Variants in ZNF275 observed in about 807,000 individuals in gnomAD.
ZNF275 encodes the protein zinc finger protein 275.
A neutral mutation model predicts 4.3 loss-of-function variants in ZNF275; 4 were observed. The ratio of observed to expected loss-of-function variants is 0.93; its 90% CI spans 0.46 to 2.13. ZNF275 has a LOEUF of 2.13. ZNF275 is among the 30% of genes most tolerant of loss of function. ZNF275 has a pLI of 0.02. For synonymous variants in ZNF275, 173 were observed against 166.9 expected (o/e 1.04, Z -0.28); for missense variants, 352 against 397.1 (o/e 0.89, Z 0.97).
chrX:153,336,588 G>A lies in ZNF275; in HGVS notation c.-46-46G>A, dbSNP rs1556960601. The A allele has an allele frequency of 4.3e-6, 4 of 936,206 alleles. No individual in the cohort carries two copies. In the African/African-American group the frequency reaches 5.8e-5, roughly 14 times the overall value. 77.2% of individuals were successfully genotyped at this position (936,206 alleles called of 1,213,427 possible). The stretch of plus-strand genomic sequence containing the variant: ...TGTGGGGGACATGTTCCTGGGAGGT[G>A]CACACAGGTCTGCTTCTGTTCACCT... On this transcript the variant is annotated intron_variant, in intron 1 of 3. Transcript: ENST00000650114.
rs1556961631 is a variant in ZNF275, at chrX:153,346,935, G to A, written c.250G>A (p.Asp84Asn). 3.3e-6 allele frequency: 4 copies of A among 1,209,817 alleles called. No individual in the cohort carries two copies. Among genetic ancestry groups the A allele is most frequent in the Non-Finnish European group, 2.2e-6 (2 of 895,167 alleles). The change falls in exon 4 of 4, where the codon GAC (aspartate) becomes AAC (asparagine). Residue 84 changes from aspartate to asparagine, a missense_variant. Physicochemically the swap from Asp to Asn is conservative, Grantham distance 23 (BLOSUM62 1). Coordinates refer to ENST00000650114, the MANE Select transcript of ZNF275 (RefSeq NM_001367757.1). ...CAGTCCTGAATTCAGACAGCACGGG[G>A]ACTCTGACGGGAAGAGAGGGAGCCC... ...GPSPEFRQHG[D>N]SDGKRGSPQN...
rs1395388144 is a variant in ZNF275 at position 153,340,683 on chromosome X, A to G, written c.31+3973A>G. Among the ~76,000 whole-genome samples, 4 of 112,605 alleles carry G rather than the reference A, an allele frequency of 3.6e-5. No homozygotes were observed. The South Asian group carries it at 1.5e-3, about 41-fold the overall frequency. On this transcript the variant is annotated intron_variant, in intron 2 of 3. Transcript: ENST00000650114. The stretch of plus-strand genomic sequence containing the variant: ...CTTGACTCTCCCCAACTCCAACCCC[A>G]TGTGGTCACATACACATTAGAGATG...
At position 153,348,276 on chromosome X, in the gene ZNF275, G is replaced by A. The variant is rs1238282056; in HGVS notation, c.*301G>A. 2 of 134,890 alleles carry A rather than the reference G, an allele frequency of 1.5e-5. No homozygotes were observed. Among genetic ancestry groups the A allele is most frequent in the Non-Finnish European group, 3.2e-5 (2 of 62,177 alleles). 11.1% of individuals were successfully genotyped at this position (134,890 alleles called of 1,213,427 possible). On this transcript the variant is annotated 3_prime_UTR_variant, in exon 4 of 4. Coordinates refer to ENST00000650114, the MANE Select transcript of ZNF275 (RefSeq NM_001367757.1). ...ATGTGGGGTAGGGAGGGGCTTAGAG[G>A]TCATCAACTCCAAGCTCCCCCCGCC...
chrX:153,339,983 G>A lies in ZNF275; in HGVS notation c.31+3273G>A, dbSNP rs898749434. 6.2e-5 allele frequency among the ~76,000 whole-genome samples: 7 copies of A among 112,143 alleles called. No homozygotes were observed. The South Asian group carries it at 1.1e-3, about 18-fold the overall frequency. ...TCCACAATATCCCCCTCTACATTCT[G>A]TTTGGCAGCCAAACGTCAATGTCAA... On this transcript the variant is annotated intron_variant, in intron 2 of 3. Transcript: ENST00000650114.
chrX:153,345,670 G>A (rs782633795), intron 3 of ZNF275, 49 bp downstream of exon 3: 2 of 1,051,524 alleles, frequency 1.9e-6, no homozygotes, highest in East Asian at 6.2e-5. Flanking sequence ...CAACCAAGCT[G>A]CTATGGGGCA....
chrX:153,334,474 G>A (rs1259093183), intron 1 of ZNF275, among the ~76,000 whole-genome samples, 189 bp downstream of exon 1: 1 of 111,936 alleles, frequency 8.9e-6, no homozygotes, highest in Non-Finnish European at 1.9e-5. Context: ...AGTGCACGGT[G>A]GAGGGAGGGG....
intron 2 of ZNF275, chrX:153,344,839 C>T: frequency 2.8e-6 from 1 of 353,710 alleles, no homozygotes; most frequent in Non-Finnish European, 5.5e-6. Context: ...GCAGGGGACA[C>T]ATGGCTACCC....
At chrX:153,345,906 C>G (rs2088511295) in intron 3 of ZNF275, among the ~76,000 whole-genome samples, 1 of 103,272 alleles carries the variant, frequency 9.7e-6, no homozygotes, top group African/African-American at 3.6e-5. Context: ...CAGCTGGCCT[C>G]TTGGAGGTTT....
intron 2 of ZNF275, among the ~76,000 whole-genome samples, chrX:153,339,262 A>G (rs1556960863): frequency 2.7e-5 from 3 of 111,677 alleles, no homozygotes; most frequent in Non-Finnish European, 5.6e-5. Flanking sequence ...TCTCCTGGGC[A>G]CTGTCAGTTA....
At position 153,347,594 on chromosome X, in the gene ZNF275, A is replaced by G; in HGVS notation, c.909A>G (p.Arg303=). Residue 303 remains arginine (R), a synonymous_variant, in exon 4 of 4, where the codon CGA becomes CGG. Coordinates refer to ENST00000650114, the MANE Select transcript of ZNF275 (RefSeq NM_001367757.1). ...YGCPHCGKLF[R]RSSELTKHRR... is the part of the protein sequence containing the mutation. ...GTCCCCACTGCGGCAAGCTCTTCCG[A>G]AGGAGCTCGGAGCTCACCAAGCACC... 1 of 1,195,415 alleles carries G rather than the reference A, an allele frequency of 8.4e-7. No homozygotes were observed.
Position 153,348,474 on chromosome X carries a change from C to T in ZNF275, c.*499C>T, listed in dbSNP as rs1602834681. ...TATTTAATTTATTAATTTAGTTATACATACATACTGTAAATCACATATTAT... is the reference window on the plus strand; with the variant it reads ...TATTTAATTTATTAATTTAGTTATATATACATACTGTAAATCACATATTAT... On this transcript the variant is annotated 3_prime_UTR_variant, in exon 4 of 4. Transcript: ENST00000650114. 1 of 123,185 alleles carries T rather than the reference C, an allele frequency of 8.1e-6. No individual in the cohort carries two copies. Among genetic ancestry groups the T allele is most frequent in the South Asian group, 3.8e-4 (1 of 2,665 alleles). 10.2% of individuals were successfully genotyped at this position (123,185 alleles called of 1,213,427 possible). A position where few individuals can be genotyped will look rare whatever the true frequency, so the allele number is the denominator to read the frequency against.
chrX:153,336,744 G>T (rs1389933349), intron 2 of ZNF275, 34 bp downstream of exon 2: 1 of 1,157,797 alleles, frequency 8.6e-7, no homozygotes, highest in Non-Finnish European at 1.2e-6. Context: ...GTGTCTGCTG[G>T]CTTTGACGCT....
In ZNF275 at chrX:153,352,103, G is replaced by C. The variant is rs922941123; in HGVS notation, c.*4128G>C. ...GGAGCAGCACAGTACTCAGAGGAGT[G>C]AGGAGCGTGGCGCCTGCTGGGAGGA... On this transcript the variant is annotated 3_prime_UTR_variant, in exon 4 of 4. Transcript: ENST00000650114. The C allele has an allele frequency of 8.9e-6, 1 of 111,972 alleles. No individual in the cohort carries two copies. Among genetic ancestry groups the C allele is most frequent in the Non-Finnish European group, 1.9e-5 (1 of 53,232 alleles). 9.2% of individuals were successfully genotyped at this position (111,972 alleles called of 1,213,427 possible).
rs782104841 is a variant in ZNF275, at chrX:153,347,172, G to A, written c.487G>A (p.Ala163Thr). ...GGAGCCCCAGCCCGGCCCCAGTAGG[G>A]CCCTGGAGAATGCCGCGGAGAAGAG... ...AAEPQPGPSR[A>T]LENAAEKREQ... Residue 163 changes from alanine to threonine, a missense_variant, in exon 4 of 4, where the codon GCC becomes ACC. Coordinates refer to ENST00000650114, the MANE Select transcript of ZNF275 (RefSeq NM_001367757.1). 1 of 1,210,132 alleles carries A rather than the reference G, an allele frequency of 8.3e-7. No individual in the cohort carries two copies. The highest frequency in any genetic ancestry group is 1.1e-6 in the Non-Finnish European group (1 of 894,493).
intron 3 of ZNF275, 103 bp from the exon 4 acceptor site, chrX:153,346,716 G>T: frequency 1.1e-6 from 1 of 920,552 alleles, no homozygotes. Context: ...CCCAGGCCCC[G>T]TGCTCAGTGG....
rs1421909585 is a variant in ZNF275 at position 153,347,823 on chromosome X, G to A, written c.1138G>A (p.Asp380Asn). The change falls in exon 4 of 4, where the codon GAC (aspartate) becomes AAC (asparagine). Residue 380 changes from aspartate (D) to asparagine (N), a missense_variant. Asp to Asn is a conservative substitution (Grantham distance 23). Transcript: ENST00000650114. ...CAGCGGACTGAAACCCTATGAGTGC[G>A]ACAAATGCGGCAAGGCCTTCCGCCG... is the stretch of plus-strand genomic sequence containing the variant. ...IHSGLKPYECDKCGKAFRRSS... is the reference protein window; with the variant it reads ...IHSGLKPYECNKCGKAFRRSS... 22 of 1,208,674 alleles carry A rather than the reference G, an allele frequency of 1.8e-5. No individual in the cohort carries two copies. Among genetic ancestry groups the A allele is most frequent in the African/African-American group, 3.5e-5 (2 of 57,509 alleles).
intron 2 of ZNF275, among the ~76,000 whole-genome samples, chrX:153,339,656 T>C (rs1002953823): frequency 7.2e-5 from 8 of 111,260 alleles, no homozygotes; most frequent in Admixed American, 9.5e-5. Context: ...CCAGCCTGGG[T>C]GACAGAGTGA....
chrX:153,346,835 C>G lies in ZNF275; in HGVS notation c.150C>G (p.Thr50=). 8.3e-7 allele frequency: 1 copy of G among 1,198,507 alleles called. No homozygotes were observed. The highest frequency in any genetic ancestry group is 1.1e-6 in the Non-Finnish European group (1 of 888,077). Residue 50 remains threonine, a synonymous_variant, in exon 4 of 4, where the codon ACC becomes ACG. Transcript: ENST00000650114. ...TCGTTTCAGAAAGCACCTCCGCGAC[C>G]CGACACCAGATGAAGGGGGAAGATG... is the stretch of plus-strand genomic sequence containing the variant. ...PAKYSESTSA[T]RHQMKGEDAQ... is the part of the protein sequence containing the mutation.
rs1264965074 is a variant in ZNF275 at position 153,352,089 on chromosome X, G to A, written c.*4114G>A. ...ATCAGAAGGTGTGGGGAGCAGCACA[G>A]TACTCAGAGGAGTGAGGAGCGTGGC... On this transcript the variant is annotated 3_prime_UTR_variant, in exon 4 of 4. Transcript: ENST00000650114. The A allele has an allele frequency of 8.9e-6, 1 of 112,036 alleles. No homozygotes were observed. The highest frequency in any genetic ancestry group is 9.5e-5 in the Admixed American group (1 of 10,577). 9.2% of individuals were successfully genotyped at this position (112,036 alleles called of 1,213,427 possible).
Sources: gnomAD v4.1 joint callset for allele counts (sites outside exome capture counted in the v4.1 genomes callset) on GRCh38, gnomAD v4.1.1 for gene constraint, MANE v1.5 for transcripts, NCBI Gene and HGNC (gene_info 2026-07-23, HGNC 2026-07-21) for gene names.